Variants in CPNE8 observed in about 807,000 individuals in gnomAD.
CPNE8 encodes the protein copine-8.
A neutral mutation model predicts 81.5 loss-of-function variants in CPNE8; 45 were observed. That is an observed-to-expected ratio of 0.55 (90% confidence interval 0.44 to 0.71). CPNE8 has a LOEUF of 0.71. CPNE8 is among the 30% of genes least tolerant of loss of function. The pLI, the probability that CPNE8 is intolerant of heterozygous loss-of-function variation, is 0.00. For synonymous variants in CPNE8, 252 were observed against 226.3 expected (o/e 1.11, Z -1.02); for missense variants, 594 against 672.1 (o/e 0.88, Z 1.28).
chr12:38,695,176 A>T (rs1247226338), intron 14 of CPNE8, among the ~76,000 whole-genome samples: 1 of 152,202 alleles, frequency 6.6e-6, no homozygotes, highest in Non-Finnish European at 1.5e-5. Context: ...GAAAACTTGC[A>T]ATTGTAAATT....
chr12:38,827,794 A>G (rs754590911), intron 6 of CPNE8, among the ~76,000 whole-genome samples: 26 of 152,112 alleles, frequency 1.7e-4, no homozygotes, highest in Non-Finnish European at 2.9e-5. Flanking sequence ...ACAAAGAAGG[A>G]AACAGCAGAC....
intron 1 of CPNE8, among the ~76,000 whole-genome samples, chr12:38,890,079 T>C (rs954405738): frequency 1.3e-5 from 2 of 152,250 alleles, no homozygotes; most frequent in Admixed American, 6.5e-5. Context: ...CAGCATTTTA[T>C]ATATGTGCTG....
intron 5 of CPNE8, among the ~76,000 whole-genome samples, chr12:38,837,920 G>T (rs1046584100): frequency 6.6e-6 from 1 of 152,116 alleles, no homozygotes; most frequent in African/African-American, 2.4e-5. Context: ...AAAAGAGAAA[G>T]ATTTGAAAGG....
intron 6 of CPNE8, among the ~76,000 whole-genome samples, chr12:38,781,301 G>A (rs1368001392): frequency 6.6e-6 from 1 of 151,908 alleles, no homozygotes; most frequent in Non-Finnish European, 1.5e-5. Flanking sequence ...TAGAGGAATA[G>A]TTACTGATGT....
chr12:38,816,085 T>C (rs938447709), intron 6 of CPNE8, among the ~76,000 whole-genome samples: 2 of 152,174 alleles, frequency 1.3e-5, no homozygotes, highest in South Asian at 4.1e-4. Context: ...GCATTTATAA[T>C]GTGGTAAGGT....
chr12:38,769,648 C>T (rs1482715249), intron 7 of CPNE8, among the ~76,000 whole-genome samples: 2 of 152,026 alleles, frequency 1.3e-5, no homozygotes, highest in Non-Finnish European at 1.5e-5. Context: ...CCCAAAGCAC[C>T]TGGACCAAAA....
intron 3 of CPNE8, among the ~76,000 whole-genome samples, chr12:38,850,380 G>C (rs184046793): frequency 6.6e-6 from 1 of 152,166 alleles, no homozygotes; most frequent in African/African-American, 2.4e-5. Flanking sequence ...CCCCATTGAG[G>C]TGCAGCCAGC....
chr12:38,812,992 G>A (rs1942963901), intron 6 of CPNE8, among the ~76,000 whole-genome samples: 1 of 152,184 alleles, frequency 6.6e-6, no homozygotes, highest in African/African-American at 2.4e-5. Flanking sequence ...GACATAGGGA[G>A]CAGATACATT....
Position 38,883,965 on chromosome 12 carries a change from T to C in CPNE8, c.99-9454A>G, listed in dbSNP as rs532913445. Among the ~76,000 whole-genome samples the C allele has an allele frequency of 6.6e-5, 10 of 152,336 alleles. No individual in the cohort carries two copies. The South Asian group carries it at 1.4e-3, about 22-fold the overall frequency. ...GCACCACTCTAAAGGTCACTAGGCATGTATCTCCCGTTCACTTGAGCAATA... is the reference window on the plus strand; with the variant it reads ...GCACCACTCTAAAGGTCACTAGGCACGTATCTCCCGTTCACTTGAGCAATA... On this transcript the variant is annotated intron_variant, in intron 1 of 19. Transcript: ENST00000331366.
rs112041514 is a variant in CPNE8, at chr12:38,725,528, C to T, written c.799-629G>A. Among the ~76,000 whole-genome samples the T allele has an allele frequency of 6.0e-3, 908 of 152,192 alleles. 13 individuals carry two copies. Among genetic ancestry groups the T allele is most frequent in the African/African-American group, 0.021 (864 of 41,546 alleles). On this transcript the variant is annotated intron_variant, in intron 11 of 19. Coordinates refer to ENST00000331366, the MANE Select transcript of CPNE8 (RefSeq NM_153634.3). Reference sequence around the variant, plus strand: ...AGACCTGCCGATCTAATGGGATAAACGTAATACATAATTGCCTGAGGAGAG... The same window carrying T: ...AGACCTGCCGATCTAATGGGATAAATGTAATACATAATTGCCTGAGGAGAG...
intron 10 of CPNE8, among the ~76,000 whole-genome samples, chr12:38,745,001 C>A (rs766902766): frequency 6.6e-6 from 1 of 152,220 alleles, no homozygotes; most frequent in African/African-American, 2.4e-5. Context: ...TTTTCCCACA[C>A]CTTTGGCCAT....
chr12:38,736,601 A>C (rs547354167), intron 10 of CPNE8, among the ~76,000 whole-genome samples: 12 of 152,036 alleles, frequency 7.9e-5, no homozygotes, highest in African/African-American at 1.2e-4. Context: ...TCTATTAGAC[A>C]TAATTTAAAT....
chr12:38,904,023 G>A (rs1944527255), intron 1 of CPNE8, among the ~76,000 whole-genome samples: 1 of 152,134 alleles, frequency 6.6e-6, no homozygotes, highest in African/African-American at 2.4e-5. Context: ...ACGGTTGCTG[G>A]TGCTCGAATT....
At chr12:38,664,796 T>C (rs1939030873) in intron 19 of CPNE8, among the ~76,000 whole-genome samples, 1 of 151,932 alleles carries the variant, frequency 6.6e-6, no homozygotes. Context: ...AGGATGGGAG[T>C]ATACATCACA....
At chr12:38,809,020 T>A (rs539209626) in intron 6 of CPNE8, among the ~76,000 whole-genome samples, 1 of 152,322 alleles carries the variant, frequency 6.6e-6, no homozygotes, top group African/African-American at 2.4e-5. Flanking sequence ...AATTCTTTTA[T>A]ACTGCTATGA....
intron 11 of CPNE8, among the ~76,000 whole-genome samples, chr12:38,726,998 C>T (rs1940715407): frequency 6.6e-6 from 1 of 152,076 alleles, no homozygotes; most frequent in Non-Finnish European, 1.5e-5. Flanking sequence ...TATATAAATA[C>T]AGTAGCATCC....
chr12:38,865,198 T>C (rs1453145080), intron 3 of CPNE8, among the ~76,000 whole-genome samples: 2 of 152,172 alleles, frequency 1.3e-5, no homozygotes, highest in East Asian at 1.9e-4. Context: ...GCAATACAAG[T>C]GGCAGATGGA....
In CPNE8 at chr12:38,867,333, TGTGTGTGA is replaced by T. The variant is rs1313890627; in HGVS notation, c.186+5663_186+5670del. 1.4e-4 allele frequency among the ~76,000 whole-genome samples: 20 copies of T among 144,104 alleles called. No homozygotes were observed. In the East Asian group the frequency reaches 2.5e-3, roughly 18 times the overall value. 94.5% of individuals were successfully genotyped at this position (144,104 alleles called of 152,430 possible). A position where few individuals can be genotyped will look rare whatever the true frequency, so the allele number is the denominator to read the frequency against. On this transcript the variant is annotated intron_variant, in intron 3 of 19. Coordinates refer to ENST00000331366, the MANE Select transcript of CPNE8 (RefSeq NM_153634.3). ...GTGTGTGTGTGTGTGTGTGTGTGTG[TGTGTGTGA>T]GAGAGAGAGAGAGAGAGAGAGAGAG... is the stretch of plus-strand genomic sequence containing the variant.
chr12:38,693,854 A>G lies in CPNE8; in HGVS notation c.962-16T>C. ...GCAGGGTTGCCTGATGACAGAACAC[A>G]TATTTCAAACATAAGCAATTAGGGT... On this transcript the variant is annotated splice_polypyrimidine_tract_variant and intron_variant, in intron 14 of 19. Coordinates refer to ENST00000331366, the MANE Select transcript of CPNE8 (RefSeq NM_153634.3). 2 of 1,561,478 alleles carry G rather than the reference A, an allele frequency of 1.3e-6. No homozygotes were observed. The highest frequency in any genetic ancestry group is 1.7e-6 in the Non-Finnish European group (2 of 1,155,728).
Sources: allele counts gnomAD v4.1 joint callset (sites outside exome capture counted in the v4.1 genomes callset), GRCh38; gene constraint gnomAD v4.1.1; transcripts MANE v1.5; gene names NCBI Gene and HGNC (gene_info 2026-07-23, HGNC 2026-07-21).